Variants in CNTNAP2 observed in about 807,000 individuals in gnomAD.
CNTNAP2 encodes contactin-associated protein-like 2.
Under a neutral mutation model 155.2 loss-of-function variants are expected in CNTNAP2, and 98 were observed. The ratio of observed to expected loss-of-function variants is 0.63; its 90% CI spans 0.54 to 0.75. CNTNAP2 has a LOEUF of 0.75. Among genes scored for constraint, CNTNAP2 ranks in the 30% least tolerant of loss-of-function variants. The pLI, the probability that CNTNAP2 is intolerant of heterozygous loss-of-function variation, is 0.00. For missense variants in CNTNAP2, 1,727 were observed against 1,688.1 expected, an observed-to-expected ratio of 1.02 and a Z score of -0.40; for synonymous variants, 651 against 631.2, an observed-to-expected ratio of 1.03 and a Z score of -0.47.
chr7:148,394,167 A>G (rs181827037), intron 22 of CNTNAP2, among the ~76,000 whole-genome samples: 83 of 152,184 alleles, frequency 5.5e-4, no homozygotes, highest in Middle Eastern at 6.8e-3. Flanking sequence ...TTTTATTTGT[A>G]AGTTCTACGT....
chr7:146,325,597 TAC>T (rs200025355), intron 1 of CNTNAP2, among the ~76,000 whole-genome samples: 8 of 151,488 alleles, frequency 5.3e-5, no homozygotes, highest in Admixed American at 4.6e-4. Flanking sequence ...CGCCCCCCTA[TAC>T]ACACACACAC....
intron 13 of CNTNAP2, among the ~76,000 whole-genome samples, chr7:147,721,602 G>A (rs913905385): frequency 2.6e-5 from 4 of 151,898 alleles, no homozygotes; most frequent in African/African-American, 2.4e-5. Flanking sequence ...TTACCTTAAC[G>A]TTGTGCCATT....
At chr7:147,079,730 A>G (rs1433935323) in intron 4 of CNTNAP2, among the ~76,000 whole-genome samples, 2 of 152,090 alleles carry the variant, frequency 1.3e-5, no homozygotes, top group South Asian at 2.1e-4. Context: ...TAATAGATTA[A>G]AAATGGAGTA....
At chr7:147,422,332 A>G (rs985266225) in intron 10 of CNTNAP2, among the ~76,000 whole-genome samples, 1 of 150,984 alleles carries the variant, frequency 6.6e-6, no homozygotes, top group African/African-American at 2.4e-5. Context: ...CCATGGCTCT[A>G]CCCTGAATTT....
At chr7:146,650,086 A>G (rs1056896529) in intron 1 of CNTNAP2, among the ~76,000 whole-genome samples, 1 of 152,128 alleles carries the variant, frequency 6.6e-6, no homozygotes, top group African/African-American at 2.4e-5. Flanking sequence ...TAGTTACACC[A>G]TTGTTGGTGG....
rs955890584 is a variant in CNTNAP2, at chr7:146,476,512, A to G, written c.98-297759A>G. Among the ~76,000 whole-genome samples, 9 of 152,168 alleles carry G rather than the reference A, an allele frequency of 5.9e-5. 1 individual carries two copies. The highest frequency in any genetic ancestry group is 2.0e-4 in the Admixed American group (3 of 15,274). On this transcript the variant is annotated intron_variant, in intron 1 of 23. Transcript: ENST00000361727. Reference sequence around the variant, plus strand: ...TTGTGTGACTGTAATTATTATCATTATTTTTTACTTTTGGAGAGGCAAGCA... The same window carrying G: ...TTGTGTGACTGTAATTATTATCATTGTTTTTTACTTTTGGAGAGGCAAGCA...
At position 148,259,255 on chromosome 7, in the gene CNTNAP2, C is replaced by T. The variant is rs367863668; in HGVS notation, c.3382-7778C>T. On this transcript the variant is annotated intron_variant, in intron 20 of 23. Transcript: ENST00000361727. ...CCTGTGGTCCCAGCTACTCGGTAGG[C>T]TAAGGTGGAAGGATCACTTGAGCCT... Among the ~76,000 whole-genome samples the T allele has an allele frequency of 2.9e-4, 39 of 132,862 alleles. No individual in the cohort carries two copies. In the East Asian group the frequency reaches 7.0e-3, roughly 24 times the overall value. 87.2% of individuals were successfully genotyped at this position (132,862 alleles called of 152,430 possible).
intron 3 of CNTNAP2, among the ~76,000 whole-genome samples, chr7:147,012,818 G>A (rs1798652328): frequency 6.6e-6 from 1 of 152,094 alleles, no homozygotes; most frequent in South Asian, 2.1e-4. Context: ...AAGTGAAAGA[G>A]CTCCCCAATC....
At chr7:147,171,203 G>A (rs1035027113) in intron 8 of CNTNAP2, among the ~76,000 whole-genome samples, 1 of 152,166 alleles carries the variant, frequency 6.6e-6, no homozygotes, top group Non-Finnish European at 1.5e-5. Flanking sequence ...TTTGAGGCCC[G>A]GAATCAGCTT....
intron 1 of CNTNAP2, among the ~76,000 whole-genome samples, chr7:146,496,266 A>G (rs948522224): frequency 6.6e-6 from 1 of 152,182 alleles, no homozygotes; most frequent in Non-Finnish European, 1.5e-5. Context: ...ATACGCGTGG[A>G]CATGTGCTGA....
At chr7:147,988,238 G>A (rs1304019061) in intron 15 of CNTNAP2, among the ~76,000 whole-genome samples, 4 of 152,162 alleles carry the variant, frequency 2.6e-5, no homozygotes, top group African/African-American at 4.8e-5. Flanking sequence ...TTCTTTTGAA[G>A]TCTTATAGTG....
intron 21 of CNTNAP2, among the ~76,000 whole-genome samples, chr7:148,282,404 C>T (rs1259176045): frequency 1.3e-5 from 2 of 152,150 alleles, no homozygotes; most frequent in African/African-American, 4.8e-5. Flanking sequence ...AGGTTTCTTA[C>T]AAATCTCAGC....
At chr7:147,147,046 A>G (rs1368207778) in intron 8 of CNTNAP2, among the ~76,000 whole-genome samples, 1 of 152,192 alleles carries the variant, frequency 6.6e-6, no homozygotes, top group Non-Finnish European at 1.5e-5. Flanking sequence ...AAGAGGTTTA[A>G]TTGACTCACA....
chr7:147,242,793 C>T (rs1053918018), intron 8 of CNTNAP2, among the ~76,000 whole-genome samples: 1 of 152,052 alleles, frequency 6.6e-6, no homozygotes, highest in Non-Finnish European at 1.5e-5. Flanking sequence ...TTGGTCCACT[C>T]TACCTTCCTC....
chr7:146,984,512 G>C (rs1798081365), intron 3 of CNTNAP2, among the ~76,000 whole-genome samples: 1 of 149,856 alleles, frequency 6.7e-6, no homozygotes. Flanking sequence ...TTCTCCCTTG[G>C]TGTGAAGAAT....
chr7:147,451,607 G>A (rs1797835071), intron 10 of CNTNAP2, among the ~76,000 whole-genome samples: 1 of 152,014 alleles, frequency 6.6e-6, no homozygotes, highest in South Asian at 2.1e-4. Flanking sequence ...ACTGGACCCA[G>A]GATTGAAACC....
chr7:146,399,872 A>G (rs1795689031), intron 1 of CNTNAP2, among the ~76,000 whole-genome samples: 2 of 152,124 alleles, frequency 1.3e-5, no homozygotes, highest in Admixed American at 1.3e-4. Flanking sequence ...CAGTTTCCTT[A>G]ACTAAGAAGA....
chr7:147,571,052 C>G (rs1800278834), intron 12 of CNTNAP2, among the ~76,000 whole-genome samples: 1 of 152,072 alleles, frequency 6.6e-6, no homozygotes. Flanking sequence ...GGTTTTTAAT[C>G]AGAGGACACA....
intron 14 of CNTNAP2, among the ~76,000 whole-genome samples, chr7:147,975,010 C>T (rs962431608): frequency 1.3e-5 from 2 of 150,692 alleles, no homozygotes; most frequent in Non-Finnish European, 3.0e-5. Context: ...ATGTATTATA[C>T]AATTTTTTGT....
Sources: gnomAD v4.1 joint callset for allele counts (sites outside exome capture counted in the v4.1 genomes callset) on GRCh38, gnomAD v4.1.1 for gene constraint, MANE v1.5 for transcripts, NCBI Gene and HGNC (gene_info 2026-07-23, HGNC 2026-07-21) for gene names.